IMPG1: variants seen among roughly 807,000 people sequenced by gnomAD.
The protein encoded by IMPG1 is interphotoreceptor matrix proteoglycan 1.
Under a neutral mutation model 92.0 loss-of-function variants are expected in IMPG1, and 85 were observed. The observed-to-expected ratio is 0.92, with a 90% CI of 0.78 to 1.11. The LOEUF (loss-of-function observed/expected upper bound fraction) is 1.11. Ranked by LOEUF, IMPG1 falls within the 50% of genes least tolerant of loss-of-function variation. The probability of loss-of-function intolerance (pLI) is 0.00; values close to 1 mark genes in which losing one functional copy is unlikely to be tolerated. For synonymous variants in IMPG1, 367 were observed against 334.1 expected, an observed-to-expected ratio of 1.10 and a Z score of -1.08; for missense variants, 1,022 against 956.0, an observed-to-expected ratio of 1.07 and a Z score of -0.91.
At position 75,922,134 on chromosome 6, in the gene IMPG1, G is replaced by T. The variant is rs774905793; in HGVS notation, c.2349C>A (p.Thr783=). The T allele has an allele frequency of 1.4e-6, 2 of 1,408,358 alleles. No homozygotes were observed. The highest frequency in any genetic ancestry group is 1.8e-5 in the Admixed American group (1 of 55,368). 87.2% of individuals were successfully genotyped at this position (1,408,358 alleles called of 1,614,324 possible). ...GATGGTTAAATTCTTCATATTCTACGGTCAGTAATTCAGAATTTCTTTTAC... is the reference window on the plus strand; with the variant it reads ...GATGGTTAAATTCTTCATATTCTACTGTCAGTAATTCAGAATTTCTTTTAC... ...VISKRNSELL[T]VEYEEFNHQD... Residue 783 remains threonine, a synonymous_variant, in exon 17 of 17, where the codon ACC becomes ACA. Transcript: ENST00000369950.
intron 1 of IMPG1, among the ~76,000 whole-genome samples, chr6:76,043,595 T>C (rs720155): frequency 0.55 from 82,915 of 152,058 alleles, 23,767 homozygotes; most frequent in Non-Finnish European, 0.64. Context: ...ATAATCTCTG[T>C]GTAGAATACG....
chr6:75,948,002 G>T (rs1207609701), intron 13 of IMPG1, among the ~76,000 whole-genome samples: 1 of 152,202 alleles, frequency 6.6e-6, no homozygotes, highest in Non-Finnish European at 1.5e-5. Context: ...TTAAACATCA[G>T]CATGTCTCTC....
intron 12 of IMPG1, among the ~76,000 whole-genome samples, chr6:75,954,082 C>T (rs1469526266): frequency 6.6e-6 from 1 of 152,064 alleles, no homozygotes; most frequent in African/African-American, 2.4e-5. Flanking sequence ...TACCTGTGCA[C>T]ATGTCTTTAT....
intron 7 of IMPG1, among the ~76,000 whole-genome samples, chr6:76,016,525 A>G (rs917034434): frequency 2.0e-5 from 3 of 152,232 alleles, no homozygotes; most frequent in Admixed American, 6.5e-5. Context: ...TTTTACTTTG[A>G]CATTTATAGA....
chr6:76,058,549 A>G (rs565287968), intron 1 of IMPG1, among the ~76,000 whole-genome samples: 1 of 152,300 alleles, frequency 6.6e-6, no homozygotes, highest in Non-Finnish European at 1.5e-5. Context: ...TGCCAACGTA[A>G]CAAAATTAGT....
At chr6:76,062,076 A>C (rs553416981) in intron 1 of IMPG1, among the ~76,000 whole-genome samples, 1 of 152,296 alleles carries the variant, frequency 6.6e-6, no homozygotes, top group South Asian at 2.1e-4. Flanking sequence ...GTATATGGTA[A>C]GCATTCTGTA....
intron 12 of IMPG1, among the ~76,000 whole-genome samples, chr6:75,967,968 T>C (rs1029852916): frequency 1.3e-5 from 2 of 152,180 alleles, no homozygotes; most frequent in African/African-American, 4.8e-5. Flanking sequence ...AACCAAAAGA[T>C]AAATCAAACA....
chr6:76,042,402 C>T (rs1262719318), intron 1 of IMPG1, among the ~76,000 whole-genome samples: 3 of 152,088 alleles, frequency 2.0e-5, no homozygotes, highest in Non-Finnish European at 4.4e-5. Flanking sequence ...ATTTCCCACA[C>T]ATCTTTCTAA....
At chr6:75,985,630 G>A (rs1782703773) in intron 12 of IMPG1, among the ~76,000 whole-genome samples, 2 of 152,160 alleles carry the variant, frequency 1.3e-5, no homozygotes, top group Non-Finnish European at 2.9e-5. Context: ...TAAATACTCT[G>A]TATCTATTGC....
In IMPG1 at chr6:75,950,940, G is replaced by T. The variant is rs771259393; in HGVS notation, c.1446C>A (p.Pro482=). ...QTMLVPGLTI[P]TSDYSAISQL... ...GGCTGATTGCAGAATAATCACTGGT[G>T]GGGATGGTGAGCCCTGGTACTAGCA... Residue 482 remains proline (P), a synonymous_variant, in exon 13 of 17, where the codon CCC becomes CCA. Coordinates refer to ENST00000369950, the MANE Select transcript of IMPG1 (RefSeq NM_001563.4). 6.2e-7 allele frequency: 1 copy of T among 1,613,974 alleles called. No homozygotes were observed. The highest frequency in any genetic ancestry group is 8.5e-7 in the Non-Finnish European group (1 of 1,179,958).
chr6:76,032,429 T>G (rs1476098800), intron 4 of IMPG1, among the ~76,000 whole-genome samples: 2 of 152,212 alleles, frequency 1.3e-5, no homozygotes, highest in Admixed American at 6.5e-5. Context: ...CTTAGTCACA[T>G]TATTTCTCCT....
At chr6:75,943,762 C>T (rs952281163) in intron 14 of IMPG1, among the ~76,000 whole-genome samples, 2 of 152,218 alleles carry the variant, frequency 1.3e-5, no homozygotes, top group African/African-American at 4.8e-5. Flanking sequence ...TCATTTATTT[C>T]TACTCCTACA....
chr6:75,983,886 C>A (rs1055733315), intron 12 of IMPG1, among the ~76,000 whole-genome samples: 1 of 151,822 alleles, frequency 6.6e-6, no homozygotes, highest in African/African-American at 2.4e-5. Flanking sequence ...AAGCAAATAA[C>A]CTGACTAAAA....
chr6:75,934,449 G>A (rs1781708454), intron 14 of IMPG1, among the ~76,000 whole-genome samples: 1 of 152,088 alleles, frequency 6.6e-6, no homozygotes, highest in East Asian at 1.9e-4. Flanking sequence ...CATTTCAAAG[G>A]TACTGAAAAG....
At chr6:76,019,746 T>C (rs1350278595) in intron 6 of IMPG1, among the ~76,000 whole-genome samples, 1 of 152,244 alleles carries the variant, frequency 6.6e-6, no homozygotes, top group East Asian at 1.9e-4. Context: ...AATGGGACAC[T>C]GAAAAGTCTG....
chr6:76,016,426 G>A (rs1783288361), intron 7 of IMPG1, among the ~76,000 whole-genome samples: 1 of 152,216 alleles, frequency 6.6e-6, no homozygotes, highest in Non-Finnish European at 1.5e-5. Flanking sequence ...AGAACAAATG[G>A]AAATGTTAAC....
At chr6:76,018,329 C>T (rs1853936) in intron 7 of IMPG1, among the ~76,000 whole-genome samples, 26,611 of 152,054 alleles carry the variant, frequency 0.18, 2,463 homozygotes, top group African/African-American at 0.2. Context: ...CAATATAATG[C>T]CTATGTGATG....
At position 75,972,213 on chromosome 6, in the gene IMPG1, G is replaced by T. The variant is rs566627161; in HGVS notation, c.1292-21119C>A. On this transcript the variant is annotated intron_variant, in intron 12 of 16. Transcript: ENST00000369950. ...GAATTACTCTTCCCACTATATATTA[G>T]CAGTGTCCACCCATTACTGTAGGAA... is the stretch of plus-strand genomic sequence containing the variant. 1.2e-4 allele frequency among the ~76,000 whole-genome samples: 18 copies of T among 152,172 alleles called. No homozygotes were observed. In the East Asian group the frequency reaches 2.1e-3, roughly 18 times the overall value.
chr6:75,934,795 C>T, intron 14 of IMPG1: 11 of 327,322 alleles, frequency 3.4e-5, no homozygotes, highest in South Asian at 2.9e-4. Flanking sequence ...GCTACACCCC[C>T]CTTCCCGTCC....
Sources: allele counts gnomAD v4.1 joint callset (sites outside exome capture counted in the v4.1 genomes callset), GRCh38; gene constraint gnomAD v4.1.1; transcripts MANE v1.5; gene names NCBI Gene and HGNC (gene_info 2026-07-23, HGNC 2026-07-21).